BCAP29: variants seen among roughly 807,000 people sequenced by gnomAD.
The protein encoded by BCAP29 is B cell receptor associated protein 29.
A neutral mutation model predicts 31.8 loss-of-function variants in BCAP29; 34 were observed. That is an observed-to-expected ratio of 1.07 (90% CI 0.81 to 1.42). The LOEUF (loss-of-function observed/expected upper bound fraction) is 1.42, where lower values mean the gene tolerates loss of function less well. BCAP29 is among the 40% of genes most tolerant of loss of function. BCAP29 has a pLI of 0.00. For missense variants in BCAP29, 314 were observed against 269.2 expected (o/e 1.17, Z -1.16); for synonymous variants, 104 against 91.3 (o/e 1.14, Z -0.79).
chr7:107,599,854 G>A (rs1810831838), intron 5 of BCAP29, among the ~76,000 whole-genome samples: 1 of 152,004 alleles, frequency 6.6e-6, no homozygotes, highest in African/African-American at 2.4e-5. Flanking sequence ...GCATTATAAA[G>A]GATTAATGGA....
At position 107,620,040 on chromosome 7, in the gene BCAP29, A is replaced by G. The variant is rs1179817083; in HGVS notation, c.*1677A>G. 6.6e-6 allele frequency: 1 copy of G among 152,234 alleles called. No homozygotes were observed. The highest frequency in any genetic ancestry group is 1.5e-5 in the Non-Finnish European group (1 of 68,046). 9.4% of individuals were successfully genotyped at this position (152,234 alleles called of 1,614,324 possible). On this transcript the variant is annotated 3_prime_UTR_variant, in exon 8 of 8. Transcript: ENST00000005259. The stretch of plus-strand genomic sequence containing the variant: ...CTCAAAGTTGTTCAGACTGTATAGT[A>G]AGGAGAAAGTCTGGTTGCACTTTGA...
chr7:107,590,448 T>C (rs532316828), intron 3 of BCAP29, among the ~76,000 whole-genome samples: 10 of 152,096 alleles, frequency 6.6e-5, no homozygotes, highest in Non-Finnish European at 1.2e-4. Context: ...TAATAAGTCA[T>C]GAAAGAAATG....
chr7:107,585,845 G>A (rs1311560413), intron 3 of BCAP29, among the ~76,000 whole-genome samples: 1 of 152,096 alleles, frequency 6.6e-6, no homozygotes, highest in Non-Finnish European at 1.5e-5. Flanking sequence ...ACAAAAATTA[G>A]CCGGGCATGG....
chr7:107,623,083 A>G (rs997599175), downstream of BCAP29: 5 of 152,034 alleles, frequency 3.3e-5, no homozygotes, highest in Non-Finnish European at 4.4e-5. Flanking sequence ...CTGCTATCTT[A>G]GATCATGAGG....
At chr7:107,603,345 G>A (rs928863419) in intron 6 of BCAP29, 3 of 151,936 alleles carry the variant, frequency 2.0e-5, no homozygotes, top group Non-Finnish European at 4.4e-5. Flanking sequence ...AGTAAATATC[G>A]TTTAAAAAGT....
At chr7:107,621,651 C>T, downstream of BCAP29, 1 of 468,716 alleles carries the variant, frequency 2.1e-6, no homozygotes, top group Non-Finnish European at 4.4e-6. Flanking sequence ...GATATTACCA[C>T]ACAGAAGAGG....
At chr7:107,596,947 C>G (rs953727021) in intron 5 of BCAP29, among the ~76,000 whole-genome samples, 2 of 152,248 alleles carry the variant, frequency 1.3e-5, no homozygotes, top group East Asian at 3.9e-4. Flanking sequence ...TTGTTTTCCT[C>G]TCCTTTGTTT....
intron 5 of BCAP29, among the ~76,000 whole-genome samples, chr7:107,598,991 ATATT>A (rs1206403855): frequency 0.011 from 667 of 61,236 alleles, 9 homozygotes; most frequent in Non-Finnish European, 0.014. Flanking sequence ...AAATTTATAT[ATATT>A]TATAGATCTA....
chr7:107,612,396 T>G, intron 6 of BCAP29, among the ~76,000 whole-genome samples: 2 of 14,714 alleles, frequency 1.4e-4, no homozygotes, highest in African/African-American at 4.0e-4. Flanking sequence ...TTGTTTTATA[T>G]ATATATATAT....
At chr7:107,583,156 C>A (rs901595524) in intron 2 of BCAP29, among the ~76,000 whole-genome samples, 1 of 152,004 alleles carries the variant, frequency 6.6e-6, no homozygotes, top group Non-Finnish European at 1.5e-5. Context: ...TTTCCTATTG[C>A]GTGATGGATT....
rs965806575 is a variant in BCAP29, at chr7:107,580,570, C to T, written c.-14-189C>T. ...GCCGCCTCGCCAGTTCCCACGACTC[C>T]CAGGGAGGTGGCGACACCCGCTTCC... On this transcript the variant is annotated intron_variant, in intron 1 of 7. Transcript: ENST00000005259. The T allele has an allele frequency of 1.6e-5, 8 of 510,604 alleles. No individual in the cohort carries two copies. The African/African-American group carries it at 1.6e-4, about 10-fold the overall frequency. 31.6% of individuals were successfully genotyped at this position (510,604 alleles called of 1,614,324 possible). A position where few individuals can be genotyped will look rare whatever the true frequency, so the allele number is the denominator to read the frequency against.
In BCAP29 at chr7:107,599,393, G is replaced by A. The variant is rs755754439; in HGVS notation, c.481-1004G>A. Among the ~76,000 whole-genome samples the A allele has an allele frequency of 6.0e-4, 77 of 129,184 alleles. 1 individual carries two copies. The highest frequency in any genetic ancestry group is 8.4e-3 in the Middle Eastern group (2 of 238). The allele number at this position is 129,184 out of a possible 152,430, so 84.7% of individuals were successfully genotyped here. A position where few individuals can be genotyped will look rare whatever the true frequency, so the allele number is the denominator to read the frequency against. On this transcript the variant is annotated intron_variant, in intron 5 of 7. Coordinates refer to ENST00000005259, the MANE Select transcript of BCAP29 (RefSeq NM_018844.4). ...AAATTAGCCTGCCATGGTGGCACAC[G>A]CCTATAGTCTCAGCTACTCAAGAGG...
intron 7 of BCAP29, chr7:107,613,691 AC>A (rs1274548896): frequency 6.2e-7 from 1 of 1,605,348 alleles, no homozygotes. Context: ...AAAAGAAGCC[AC>A]AAAAATGGCA....
chr7:107,600,937 C>T (rs557608040), intron 6 of BCAP29, among the ~76,000 whole-genome samples: 12 of 152,272 alleles, frequency 7.9e-5, no homozygotes, highest in East Asian at 3.9e-4. Flanking sequence ...ATAAGGAAAG[C>T]GTTCCTTGAA....
At chr7:107,588,241 T>C (rs769146260) in intron 3 of BCAP29, among the ~76,000 whole-genome samples, 8 of 152,196 alleles carry the variant, frequency 5.3e-5, no homozygotes, top group Non-Finnish European at 1.2e-4. Context: ...CATACAAATA[T>C]AAAGTCAAAA....
At chr7:107,593,413 T>C (rs890031622) in intron 3 of BCAP29, among the ~76,000 whole-genome samples, 2 of 152,236 alleles carry the variant, frequency 1.3e-5, no homozygotes, top group Admixed American at 6.5e-5. Flanking sequence ...TAGCAGCTGC[T>C]ATGCACTAGT....
chr7:107,595,425 A>G (rs950630831), intron 4 of BCAP29, among the ~76,000 whole-genome samples: 1 of 152,238 alleles, frequency 6.6e-6, no homozygotes, highest in South Asian at 2.1e-4. Flanking sequence ...GAAGATAGTC[A>G]TCACTATTTC....
chr7:107,591,120 A>G (rs1338692902), intron 3 of BCAP29, among the ~76,000 whole-genome samples: 1 of 144,880 alleles, frequency 6.9e-6, no homozygotes, highest in Non-Finnish European at 1.5e-5. Context: ...CTGAAAGAAA[A>G]TCAAAATAAA....
intron 6 of BCAP29, among the ~76,000 whole-genome samples, chr7:107,606,559 C>T (rs1392987660): frequency 1.3e-5 from 2 of 152,126 alleles, no homozygotes; most frequent in African/African-American, 4.8e-5. Context: ...TAGCTCACAA[C>T]ACAAGTGTGC....
Sources: gnomAD v4.1 joint callset for allele counts (sites outside exome capture counted in the v4.1 genomes callset) on GRCh38, gnomAD v4.1.1 for gene constraint, MANE v1.5 for transcripts, NCBI Gene and HGNC (gene_info 2026-07-23, HGNC 2026-07-21) for gene names.